Variants in ZMYND11 observed in about 807,000 individuals in gnomAD.
ZMYND11 encodes zinc finger MYND-type containing 11, also known as zinc finger MYND domain-containing protein 11.
ZMYND11 carries 9 observed loss-of-function variants against 84.9 expected under a neutral mutation model. The ratio of observed to expected loss-of-function variants is 0.11; its 90% CI spans 0.06 to 0.18. ZMYND11 has a LOEUF of 0.18. Among genes scored for constraint, ZMYND11 ranks in the 10% least tolerant of loss-of-function variants. The pLI, the probability that ZMYND11 is intolerant of heterozygous loss-of-function variation, is 1.00. For synonymous variants in ZMYND11, 250 were observed against 244.1 expected, an observed-to-expected ratio of 1.02 and a Z score of -0.23; for missense variants, 409 against 761.0, an observed-to-expected ratio of 0.54 and a Z score of 5.44.
intron 12 of ZMYND11, among the ~76,000 whole-genome samples, chr10:248,024 A>T (rs1952532865): frequency 6.6e-6 from 1 of 152,176 alleles, no homozygotes; most frequent in South Asian, 2.1e-4. Context: ...TATTCTATAA[A>T]TTTCTGTGTT....
At chr10:133,785 C>A (rs1302162208), upstream of ZMYND11, among the ~76,000 whole-genome samples, 1 of 152,020 alleles carries the variant, frequency 6.6e-6, no homozygotes, top group Non-Finnish European at 1.5e-5. Flanking sequence ...AAATTTTTAG[C>A]GATATATATT....
chr10:132,843 C>T (rs1437944215), upstream of ZMYND11, among the ~76,000 whole-genome samples: 1 of 152,094 alleles, frequency 6.6e-6, no homozygotes, highest in Non-Finnish European at 1.5e-5. Context: ...AGACAGCTCC[C>T]CGACAGCTCT....
At chr10:211,457 TTTC>T (rs1404242989) in intron 3 of ZMYND11, among the ~76,000 whole-genome samples, 3 of 152,178 alleles carry the variant, frequency 2.0e-5, no homozygotes, top group Non-Finnish European at 4.4e-5. Flanking sequence ...TTGAGTTTAT[TTTC>T]TTTTCTGGCT....
In ZMYND11 at chr10:241,120, CAG is replaced by C. The variant is rs562150995; in HGVS notation, c.831+151_831+152del. The stretch of plus-strand genomic sequence containing the variant: ...AGTATAAACAACTGAAAAAAAGTAA[CAG>C]GGCTTGTTATCCATTTCTGATTTTA... On this transcript the variant is annotated intron_variant, in intron 9 of 14. Coordinates refer to ENST00000381604, the MANE Select transcript of ZMYND11 (RefSeq NM_001370100.5). 124 of 556,052 alleles carry C rather than the reference CAG, an allele frequency of 2.2e-4. 3 individuals are homozygous for C. In the East Asian group the frequency reaches 3.7e-3, roughly 17 times the overall value. The allele number at this position is 556,052 out of a possible 1,614,324, so 34.4% of individuals were successfully genotyped here. A position where few individuals can be genotyped will look rare whatever the true frequency, so the allele number is the denominator to read the frequency against.
At chr10:137,970 T>C (rs1836520024) in intron 1 of ZMYND11, among the ~76,000 whole-genome samples, 1 of 152,194 alleles carries the variant, frequency 6.6e-6, no homozygotes, top group African/African-American at 2.4e-5. Context: ...GTCTCTAAAT[T>C]GGACAATTTA....
chr10:145,952 T>C (rs1838725299), intron 1 of ZMYND11, among the ~76,000 whole-genome samples: 1 of 152,176 alleles, frequency 6.6e-6, no homozygotes, highest in South Asian at 2.1e-4. Flanking sequence ...AAATTCTTTG[T>C]CTAGACCATT....
chr10:242,122 T>C lies in ZMYND11; in HGVS notation c.933T>C (p.Phe311=). Residue 311 remains phenylalanine, a synonymous_variant, in exon 10 of 15, where the codon TTT becomes TTC. Coordinates refer to ENST00000381604, the MANE Select transcript of ZMYND11 (RefSeq NM_001370100.5). ...ACAATCAAGTCGACGTTCGCTTCTT[T>C]GGCCACCACCACCAGAGGTAATTTG... ...KEDNQVDVRF[F]GHHHQRAWIP... 6.2e-7 allele frequency: 1 copy of C among 1,614,166 alleles called. No individual in the cohort carries two copies. Among genetic ancestry groups the C allele is most frequent in the Non-Finnish European group, 8.5e-7 (1 of 1,179,998 alleles).
intron 4 of ZMYND11, among the ~76,000 whole-genome samples, chr10:226,657 A>G (rs1948189200): frequency 6.6e-6 from 1 of 152,192 alleles, no homozygotes; most frequent in African/African-American, 2.4e-5. Context: ...AGTTACAGAG[A>G]AAGTGAGTAA....
chr10:131,253 T>C (rs1835306703), upstream of ZMYND11, among the ~76,000 whole-genome samples: 1 of 152,202 alleles, frequency 6.6e-6, no homozygotes, highest in African/African-American at 2.4e-5. Context: ...GGATCCTACT[T>C]TTCCTTAAAT....
chr10:154,162 C>T (rs1841111403), intron 1 of ZMYND11, among the ~76,000 whole-genome samples: 1 of 152,164 alleles, frequency 6.6e-6, no homozygotes, highest in African/African-American at 2.4e-5. Flanking sequence ...TGGGAATGGC[C>T]TCATACACAG....
chr10:228,691 C>T (rs999315611), intron 4 of ZMYND11, among the ~76,000 whole-genome samples: 4 of 152,194 alleles, frequency 2.6e-5, no homozygotes, highest in Admixed American at 1.3e-4. Flanking sequence ...CGCTGAAGAA[C>T]GCATTCTGCC....
intron 1 of ZMYND11, among the ~76,000 whole-genome samples, chr10:165,283 C>T (rs1488733076): frequency 3.3e-5 from 5 of 152,088 alleles, no homozygotes; most frequent in Admixed American, 2.0e-4. Flanking sequence ...TGAAATCTTG[C>T]CTTCACTGGA....
chr10:140,587 A>G (rs2131127995), intron 1 of ZMYND11, among the ~76,000 whole-genome samples: 1 of 152,358 alleles, frequency 6.6e-6, no homozygotes, highest in East Asian at 1.9e-4. Flanking sequence ...AAAATAACCT[A>G]ATTAGATATT....
intron 1 of ZMYND11, among the ~76,000 whole-genome samples, chr10:177,839 A>G (rs926499057): frequency 2.0e-5 from 3 of 152,118 alleles, no homozygotes; most frequent in Non-Finnish European, 4.4e-5. Flanking sequence ...GCCTCCCTTG[A>G]ATTAATATAC....
rs1419607326 is a variant in ZMYND11, at chr10:252,091, ACT to A, written c.1687-253_1687-252del. 1.3e-5 allele frequency among the ~76,000 whole-genome samples: 2 copies of A among 151,922 alleles called. No individual in the cohort carries two copies. Among genetic ancestry groups the A allele is most frequent in the Admixed American group, 6.6e-5 (1 of 15,242 alleles). ...CATTTTAAGAAAAGAAACGGGAATG[ACT>A]CTCACAGAGATGGAAAAAACGGGAG... On this transcript the variant is annotated intron_variant, in intron 14 of 14. Coordinates refer to ENST00000381604, the MANE Select transcript of ZMYND11 (RefSeq NM_001370100.5). This position sits in a 1 kb window ranked among gnomAD's most constrained non-coding sequence, Gnocchi z 4.6.
At position 249,075 on chromosome 10, in the gene ZMYND11, A is replaced by T; in HGVS notation, c.1673A>T (p.Lys558Met). Residue 558 changes from lysine (K) to methionine (M), a missense_variant, in exon 14 of 15, where the codon AAG becomes ATG. By Grantham distance (95) the Lys-to-Met change is moderately conservative (BLOSUM62 -1). This residue lies in a region of ZMYND11 where 141 missense variants were observed against 173.8 expected (regional missense o/e 0.81). Transcript: ENST00000381604. ...TQHKQLISQT[K>M]KKQWCYNCEE... ...CACAAGCAACTGATTTCTCAGACCAAGAAGAAGCAGTGGGTAAATACCAGT... is the reference window on the plus strand; with the variant it reads ...CACAAGCAACTGATTTCTCAGACCATGAAGAAGCAGTGGGTAAATACCAGT... 1 of 1,614,234 alleles carries T rather than the reference A, an allele frequency of 6.2e-7. No homozygotes were observed.
At chr10:230,521 A>ACCCCAG (rs1948855943) in intron 4 of ZMYND11, among the ~76,000 whole-genome samples, 2 of 143,508 alleles carry the variant, frequency 1.4e-5, no homozygotes, top group African/African-American at 5.2e-5. Context: ...CCAGGGTTCT[A>ACCCCAG]CCCCAGACAG....
At chr10:151,306 A>G (rs1840297667) in intron 1 of ZMYND11, among the ~76,000 whole-genome samples, 1 of 152,218 alleles carries the variant, frequency 6.6e-6, no homozygotes, top group African/African-American at 2.4e-5. Flanking sequence ...CAAAGAAGCT[A>G]AAAACCTTGA....
chr10:178,025 TAAGA>T (rs545045662), intron 1 of ZMYND11, among the ~76,000 whole-genome samples: 81 of 152,312 alleles, frequency 5.3e-4, no homozygotes, highest in Non-Finnish European at 1.0e-3. Flanking sequence ...TTAAAGAAAT[TAAGA>T]AAGGGAAAAA....
Sources: allele counts gnomAD v4.1 joint callset (sites outside exome capture counted in the v4.1 genomes callset), GRCh38; gene constraint gnomAD v4.1.1; regional missense constraint gnomAD v4.1.1; non-coding constraint Gnocchi (gnomAD v3.1); transcripts MANE v1.5; gene names NCBI Gene and HGNC (gene_info 2026-07-23, HGNC 2026-07-21).